The following PAK1 variants were observed in gnomAD, a reference collection of about 807,000 sequenced individuals.
PAK1 encodes the protein serine/threonine-protein kinase PAK 1.
PAK1 carries 29 observed loss-of-function variants against 67.4 expected under a neutral mutation model. That is an observed-to-expected ratio of 0.43 (90% confidence interval 0.32 to 0.59). The LOEUF (loss-of-function observed/expected upper bound fraction) is 0.59, where lower values mean the gene tolerates loss of function less well. Among genes scored for constraint, PAK1 ranks in the 20% least tolerant of loss-of-function variants. PAK1 has a pLI of 0.07. For synonymous variants in PAK1, 223 were observed against 237.4 expected (o/e 0.94, Z 0.56); for missense variants, 337 against 670.7 (o/e 0.50, Z 5.50).
chr11:77,414,481 G>A (rs1322134010), intron 1 of PAK1, among the ~76,000 whole-genome samples: 1 of 152,170 alleles, frequency 6.6e-6, no homozygotes, highest in Non-Finnish European at 1.5e-5. Context: ...CAACTATATT[G>A]ATATCTATTG....
At chr11:77,476,372 C>T (rs547996053), upstream of PAK1, 5 of 152,294 alleles carry the variant, frequency 3.3e-5, no homozygotes, top group East Asian at 9.7e-4. Flanking sequence ...TAAATTGACT[C>T]TAATCTGGAT....
intron 11 of PAK1, 23 bp from the exon 12 acceptor site, chr11:77,337,446 G>A: frequency 7.5e-7 from 1 of 1,329,842 alleles, no homozygotes; most frequent in Non-Finnish European, 1.1e-6. Flanking sequence ...TGTGGGCAGG[G>A]GGAGAAAGAA....
At chr11:77,348,525 A>G (rs1944764976) in intron 9 of PAK1, among the ~76,000 whole-genome samples, 4 of 152,222 alleles carry the variant, frequency 2.6e-5, no homozygotes, top group African/African-American at 9.7e-5. Context: ...CCAGTAGATT[A>G]GGAGTCAAGA....
rs1957997325 is a variant in PAK1 at position 77,473,915 on chromosome 11, G to C, written c.-385C>G. The C allele has an allele frequency of 6.6e-6, 1 of 152,202 alleles. No individual in the cohort carries two copies. Among genetic ancestry groups the C allele is most frequent in the African/African-American group, 2.4e-5 (1 of 41,302 alleles). 9.4% of individuals were successfully genotyped at this position (152,202 alleles called of 1,614,324 possible). A position where few individuals can be genotyped will look rare whatever the true frequency, so the allele number is the denominator to read the frequency against. On this transcript the variant is annotated 5_prime_UTR_variant, in exon 1 of 15. Transcript: ENST00000356341. ...CGTGGAAAAGGGAATGAGAGTCCAA[G>C]GGGGAAGGCGTCTGTGGGGGAGGAC...
intron 1 of PAK1, among the ~76,000 whole-genome samples, chr11:77,401,923 T>C (rs1341660415): frequency 6.6e-6 from 1 of 152,212 alleles, no homozygotes; most frequent in Non-Finnish European, 1.5e-5. Flanking sequence ...TTAATCTCTA[T>C]ATCCCTAGGC....
chr11:77,528,794 G>T, the PAK1 span, among the ~76,000 whole-genome samples: 1 of 151,928 alleles, frequency 6.6e-6, no homozygotes, highest in Non-Finnish European at 1.5e-5. Flanking sequence ...GTGTCAATTT[G>T]CATGCTTCTC....
At chr11:77,332,381 A>AG (rs375663490) in intron 14 of PAK1, among the ~76,000 whole-genome samples, 4 of 63,876 alleles carry the variant, frequency 6.3e-5, no homozygotes, top group African/African-American at 2.2e-4. Flanking sequence ...AGGGAAGGGA[A>AG]GGGAAGGGAA....
intron 1 of PAK1, among the ~76,000 whole-genome samples, chr11:77,402,951 C>G (rs555543453): frequency 1.1e-3 from 161 of 152,264 alleles, no homozygotes; most frequent in East Asian, 1.4e-3. Context: ...ATTCCCTCCC[C>G]CTATGGTGAC....
chr11:77,511,830 A>G, the PAK1 span, among the ~76,000 whole-genome samples: 2 of 152,186 alleles, frequency 1.3e-5, no homozygotes, highest in Non-Finnish European at 2.9e-5. Context: ...GAGTGGGGGT[A>G]GTCTCCAGTT....
chr11:77,340,310 A>C (rs1461719655), intron 11 of PAK1, among the ~76,000 whole-genome samples: 1 of 152,228 alleles, frequency 6.6e-6, no homozygotes, highest in African/African-American at 2.4e-5. Context: ...AAATGATTGA[A>C]ATATATGCCC....
intron 1 of PAK1, among the ~76,000 whole-genome samples, chr11:77,408,967 C>G (rs542936591): frequency 2.0e-5 from 3 of 152,136 alleles, no homozygotes; most frequent in Non-Finnish European, 4.4e-5. Flanking sequence ...TGGCTTGTAT[C>G]AAAAAGACAG....
At chr11:77,485,391 C>G in the PAK1 span, among the ~76,000 whole-genome samples, 1 of 152,104 alleles carries the variant, frequency 6.6e-6, no homozygotes, top group Non-Finnish European at 1.5e-5. Context: ...GTGTGATTAT[C>G]ACACATGGTT....
At chr11:77,331,075 C>A (rs1490078965) in intron 14 of PAK1, among the ~76,000 whole-genome samples, 1 of 152,264 alleles carries the variant, frequency 6.6e-6, no homozygotes, top group East Asian at 1.9e-4. Flanking sequence ...CAAATCAAAA[C>A]CACAATGAGA....
chr11:77,513,970 A>G, the PAK1 span, among the ~76,000 whole-genome samples: 2 of 152,200 alleles, frequency 1.3e-5, no homozygotes, highest in African/African-American at 4.8e-5. Context: ...TTCCATTTAT[A>G]TGAAATGAGA....
the PAK1 span, among the ~76,000 whole-genome samples, chr11:77,525,199 A>G: frequency 6.6e-6 from 1 of 151,714 alleles, no homozygotes. Context: ...AAAAAAAAAA[A>G]ATTGCTGGGT....
intron 1 of PAK1, among the ~76,000 whole-genome samples, chr11:77,432,441 G>A (rs1479612809): frequency 5.9e-5 from 9 of 151,272 alleles, no homozygotes; most frequent in South Asian, 4.2e-4. Context: ...AGAGCAATTA[G>A]GTGGAAAAAA....
At chr11:77,341,500 C>T (rs1175751995) in intron 10 of PAK1, among the ~76,000 whole-genome samples, 2 of 152,094 alleles carry the variant, frequency 1.3e-5, no homozygotes, top group South Asian at 2.1e-4. Flanking sequence ...AGTAAGATAT[C>T]CCCAGAGAGA....
chr11:77,389,385 A>C (rs1325916625), intron 2 of PAK1, among the ~76,000 whole-genome samples: 5 of 152,208 alleles, frequency 3.3e-5, no homozygotes, highest in Non-Finnish European at 1.5e-5. Context: ...ATGCTGCTAT[A>C]AACATTCATG....
At chr11:77,509,120 C>T in the PAK1 span, among the ~76,000 whole-genome samples, 1 of 151,420 alleles carries the variant, frequency 6.6e-6, no homozygotes, top group African/African-American at 2.4e-5. Flanking sequence ...TAGCTGGGTG[C>T]AGTGGTGAGG....
Sources: gnomAD v4.1 joint callset for allele counts (sites outside exome capture counted in the v4.1 genomes callset) on GRCh38, gnomAD v4.1.1 for gene constraint, MANE v1.5 for transcripts, NCBI Gene and HGNC (gene_info 2026-07-23, HGNC 2026-07-21) for gene names.